The following RAB3GAP1 variants were observed in gnomAD, a reference collection of about 807,000 sequenced individuals.
RAB3GAP1 encodes rab3 GTPase-activating protein catalytic subunit.
A neutral mutation model predicts 130.7 loss-of-function variants in RAB3GAP1; 86 were observed. The observed-to-expected ratio is 0.66, with a 90% CI of 0.55 to 0.79. The LOEUF is 0.79. Ranked by LOEUF, RAB3GAP1 falls within the 30% of genes least tolerant of loss-of-function variation. RAB3GAP1 has a pLI of 0.00. For missense variants in RAB3GAP1, 1,029 were observed against 1,169.4 expected (o/e 0.88, Z 1.75); for synonymous variants, 367 against 401.7 (o/e 0.91, Z 1.03).
At chr2:135,138,852 A>G (rs1019881966) in intron 17 of RAB3GAP1, among the ~76,000 whole-genome samples, 2 of 152,070 alleles carry the variant, frequency 1.3e-5, no homozygotes, top group Non-Finnish European at 2.9e-5. Context: ...CCTGACCTCA[A>G]GCAATCCTCT....
At chr2:135,078,550 A>G (rs1292859108) in intron 3 of RAB3GAP1, among the ~76,000 whole-genome samples, 2 of 151,562 alleles carry the variant, frequency 1.3e-5, no homozygotes, top group African/African-American at 2.4e-5. Context: ...TCCTATATAC[A>G]TATCATTTTA....
chr2:135,117,438 TCTTCTTCTTCTTCTTCTGCTTCTG>T (rs1558784040), intron 7 of RAB3GAP1, among the ~76,000 whole-genome samples: 9 of 111,950 alleles, frequency 8.0e-5, no homozygotes, highest in African/African-American at 2.8e-4. Context: ...TTCTTCTTCT[TCTTCTTCTTCTTCTTCTGCTTCTG>T]CTTCTGCTTC....
chr2:135,070,060 T>G (rs761112871), intron 3 of RAB3GAP1, among the ~76,000 whole-genome samples: 1 of 152,230 alleles, frequency 6.6e-6, no homozygotes, highest in Non-Finnish European at 1.5e-5. Flanking sequence ...ACGATGGGTA[T>G]TATAATTCAT....
chr2:135,067,511 A>T (rs1225690817), intron 3 of RAB3GAP1, among the ~76,000 whole-genome samples: 1 of 152,210 alleles, frequency 6.6e-6, no homozygotes, highest in African/African-American at 2.4e-5. Context: ...AAGTTTTGGG[A>T]ATCTTGCTGT....
rs369214358 is a variant in RAB3GAP1 at position 135,090,969 on chromosome 2, A to G, written c.151-29A>G. On this transcript the variant is annotated intron_variant, in intron 3 of 23. Transcript: ENST00000264158. ...TAATGATAGCTATTGATTAAGGTAAATATTTTGCCATTTTATTGGTACATA... is the reference window on the plus strand; with the variant it reads ...TAATGATAGCTATTGATTAAGGTAAGTATTTTGCCATTTTATTGGTACATA... 3.6e-5 allele frequency: 58 copies of G among 1,589,484 alleles called. No individual in the cohort carries two copies. In the African/African-American group the frequency reaches 6.1e-4, roughly 17 times the overall value.
At chr2:135,091,243 A>G (rs1690133904) in intron 4 of RAB3GAP1, 113 bp downstream of exon 4, 1 of 1,016,860 alleles carries the variant, frequency 9.8e-7, no homozygotes, top group Non-Finnish European at 1.4e-6. Flanking sequence ...ACTGTTTTAC[A>G]TAAGCAAAGT....
chr2:135,109,725 G>A (rs560921885), intron 5 of RAB3GAP1, among the ~76,000 whole-genome samples: 59 of 152,144 alleles, frequency 3.9e-4, no homozygotes, highest in South Asian at 8.3e-4. Flanking sequence ...GGGACTACAG[G>A]CGCCCACCAC....
chr2:135,158,838 T>C (rs1201517255), intron 19 of RAB3GAP1, among the ~76,000 whole-genome samples: 1 of 152,246 alleles, frequency 6.6e-6, no homozygotes, highest in African/African-American at 2.4e-5. Flanking sequence ...TATGATACTC[T>C]GATGGACCCA....
At chr2:135,084,015 C>T (rs1241395750) in intron 3 of RAB3GAP1, among the ~76,000 whole-genome samples, 3 of 151,888 alleles carry the variant, frequency 2.0e-5, no homozygotes, top group African/African-American at 4.8e-5. Context: ...GAGGCCAAGG[C>T]GGGTGAATCA....
At chr2:135,159,708 T>C (rs762002328) in intron 19 of RAB3GAP1, among the ~76,000 whole-genome samples, 7 of 152,216 alleles carry the variant, frequency 4.6e-5, no homozygotes, top group Non-Finnish European at 2.9e-5. Context: ...GCATTATTCA[T>C]GACAGCCAAA....
chr2:135,133,478 AAAAAGCAAAGGCTTTT>A (rs1244534931), intron 14 of RAB3GAP1, among the ~76,000 whole-genome samples: 1 of 152,166 alleles, frequency 6.6e-6, no homozygotes, highest in Non-Finnish European at 1.5e-5. Context: ...AGGTGAGAGA[AAAAAGCAAAGGCTTTT>A]TACATTTTCA....
intron 9 of RAB3GAP1, 87 bp from the exon 10 acceptor site, chr2:135,126,094 T>C: frequency 9.7e-7 from 1 of 1,025,930 alleles, no homozygotes; most frequent in Non-Finnish European, 1.5e-6. Context: ...TAACATACTT[T>C]TATTTCCTTG....
intron 17 of RAB3GAP1, among the ~76,000 whole-genome samples, chr2:135,144,867 T>C (rs1428887143): frequency 6.6e-6 from 1 of 152,252 alleles, no homozygotes; most frequent in African/African-American, 2.4e-5. Flanking sequence ...CCTCTGAACT[T>C]TCCAGTTTCC....
At chr2:135,086,192 G>T (rs538040230) in intron 3 of RAB3GAP1, among the ~76,000 whole-genome samples, 1 of 152,262 alleles carries the variant, frequency 6.6e-6, no homozygotes, top group East Asian at 1.9e-4. Context: ...CTTCTCTAGA[G>T]AATTCTGTAG....
chr2:135,081,327 A>AAAATATATATATAT (rs1363481112), intron 3 of RAB3GAP1, among the ~76,000 whole-genome samples: 5 of 64,044 alleles, frequency 7.8e-5, no homozygotes, highest in Non-Finnish European at 9.4e-5. Context: ...AAAAAAAAAA[A>AAAATATATATATAT]ATATATATAT....
intron 4 of RAB3GAP1, among the ~76,000 whole-genome samples, chr2:135,091,338 C>G (rs1690136010): frequency 6.6e-6 from 1 of 151,966 alleles, no homozygotes; most frequent in South Asian, 2.1e-4. Flanking sequence ...TATTGAGTAC[C>G]TAACATGTAC....
chr2:135,130,145 C>T (rs999012094), intron 12 of RAB3GAP1, 58 bp downstream of exon 12: 5 of 1,337,412 alleles, frequency 3.7e-6, no homozygotes, highest in Middle Eastern at 1.8e-4. Flanking sequence ...TTCCTTGGCA[C>T]ATTTTTCAGC....
intron 5 of RAB3GAP1, among the ~76,000 whole-genome samples, chr2:135,106,784 TA>T (rs1021465719): frequency 1.1e-4 from 11 of 96,714 alleles, no homozygotes; most frequent in Admixed American, 2.9e-4. Context: ...AATAAAAAAG[TA>T]AAAAAAAAAG....
At chr2:135,058,499 T>G (rs1689083925) in intron 3 of RAB3GAP1, 2 of 159,858 alleles carry the variant, frequency 1.3e-5, no homozygotes, top group African/African-American at 4.8e-5. Context: ...ATTCTAGTAC[T>G]TACCATTGAC....
Sources: gnomAD v4.1 joint callset for allele counts (sites outside exome capture counted in the v4.1 genomes callset) on GRCh38, gnomAD v4.1.1 for gene constraint, MANE v1.5 for transcripts, NCBI Gene and HGNC (gene_info 2026-07-23, HGNC 2026-07-21) for gene names.